The following EEF1AKMT1 variants were observed in gnomAD, a reference collection of about 807,000 sequenced individuals.
The protein encoded by EEF1AKMT1 is EEF1A lysine methyltransferase 1.
A neutral mutation model predicts 21.0 loss-of-function variants in EEF1AKMT1; 18 were observed. That is an observed-to-expected ratio of 0.86 (90% CI 0.59 to 1.27). EEF1AKMT1 has a LOEUF of 1.27. EEF1AKMT1 is among the 50% of genes most tolerant of loss of function. The pLI, the probability that EEF1AKMT1 is intolerant of heterozygous loss-of-function variation, is 0.00. For synonymous variants in EEF1AKMT1, 109 were observed against 94.8 expected, an observed-to-expected ratio of 1.15 and a Z score of -0.87; for missense variants, 246 against 258.6, an observed-to-expected ratio of 0.95 and a Z score of 0.33.
intron 2 of EEF1AKMT1, among the ~76,000 whole-genome samples, chr13:20,745,360 A>G (rs993423270): frequency 6.6e-6 from 1 of 152,070 alleles, no homozygotes; most frequent in African/African-American, 2.4e-5. Flanking sequence ...TATTTCCTTG[A>G]GCAGTAGTTT....
At chr13:20,743,970 C>T (rs1280516159) in intron 2 of EEF1AKMT1, among the ~76,000 whole-genome samples, 2 of 152,048 alleles carry the variant, frequency 1.3e-5, no homozygotes, top group Admixed American at 1.3e-4. Context: ...CCTGTGTTAG[C>T]TTGCTGAGAA....
chr13:20,742,349 T>C (rs1022735560), intron 2 of EEF1AKMT1, among the ~76,000 whole-genome samples: 5 of 150,224 alleles, frequency 3.3e-5, no homozygotes, highest in Non-Finnish European at 7.5e-5. Context: ...CTTTATACAG[T>C]CTTTGAGAAA....
chr13:20,772,439 T>C (rs1432283340), intron 1 of EEF1AKMT1, among the ~76,000 whole-genome samples: 2 of 152,172 alleles, frequency 1.3e-5, no homozygotes, highest in Non-Finnish European at 2.9e-5. Context: ...AGGGTGCTAC[T>C]GGCATCAGGT....
intron 2 of EEF1AKMT1, among the ~76,000 whole-genome samples, chr13:20,748,231 T>C (rs2058918500): frequency 6.6e-6 from 1 of 152,074 alleles, no homozygotes; most frequent in Admixed American, 6.5e-5. Flanking sequence ...GGTCAGGAGA[T>C]TGAGACCATC....
chr13:20,741,582 G>A (rs759176774), intron 2 of EEF1AKMT1, among the ~76,000 whole-genome samples: 20 of 149,684 alleles, frequency 1.3e-4, no homozygotes, highest in Non-Finnish European at 2.5e-4. Context: ...TCAGCCTCCC[G>A]AGTAGCTGGG....
At chr13:20,736,165 C>T (rs926528426) in intron 3 of EEF1AKMT1, among the ~76,000 whole-genome samples, 16 of 152,050 alleles carry the variant, frequency 1.1e-4, no homozygotes, top group African/African-American at 1.9e-4. Context: ...CATTGAATAC[C>T]GGGGATTAAG....
At chr13:20,738,580 A>C (rs1228463511) in intron 2 of EEF1AKMT1, among the ~76,000 whole-genome samples, 1 of 152,224 alleles carries the variant, frequency 6.6e-6, no homozygotes, top group Non-Finnish European at 1.5e-5. Flanking sequence ...GTGTGGAAAC[A>C]ACTCAAGTGC....
chr13:20,747,934 C>G (rs577791875), intron 2 of EEF1AKMT1: 1 of 202,834 alleles, frequency 4.9e-6, no homozygotes, highest in African/African-American at 2.4e-5. Flanking sequence ...AACCTCAATA[C>G]CCAAGGTAGC....
chr13:20,773,313 A>T (rs2059071339), intron 1 of EEF1AKMT1, among the ~76,000 whole-genome samples: 1 of 151,998 alleles, frequency 6.6e-6, no homozygotes, highest in African/African-American at 2.4e-5. Flanking sequence ...CCCGGTAGGG[A>T]CCCGCTATCG....
chr13:20,740,915 T>C (rs775330062), intron 2 of EEF1AKMT1, among the ~76,000 whole-genome samples: 21 of 152,192 alleles, frequency 1.4e-4, no homozygotes, highest in Non-Finnish European at 2.5e-4. Context: ...ACTCAGAGTA[T>C]GGAGGACTTT....
At chr13:20,750,158 C>A (rs961437305) in intron 2 of EEF1AKMT1, among the ~76,000 whole-genome samples, 2 of 152,140 alleles carry the variant, frequency 1.3e-5, no homozygotes, top group Admixed American at 1.3e-4. Context: ...AGTCAGGGTA[C>A]TTAGGGTATC....
chr13:20,739,040 T>C (rs2058849151), intron 2 of EEF1AKMT1, among the ~76,000 whole-genome samples: 1 of 152,128 alleles, frequency 6.6e-6, no homozygotes, highest in African/African-American at 2.4e-5. Flanking sequence ...TTCAGACGTA[T>C]TCAAAGTTTC....
At chr13:20,739,341 C>G (rs187512946) in intron 2 of EEF1AKMT1, among the ~76,000 whole-genome samples, 2 of 152,272 alleles carry the variant, frequency 1.3e-5, no homozygotes, top group African/African-American at 4.8e-5. Flanking sequence ...GAAGGCAACC[C>G]AAGAGGGTTG....
chr13:20,755,205 C>A (rs780432024), intron 2 of EEF1AKMT1, among the ~76,000 whole-genome samples: 14 of 152,282 alleles, frequency 9.2e-5, no homozygotes, highest in Middle Eastern at 3.4e-3. Context: ...ACACTTCAGC[C>A]CTGGTGGCAG....
intron 2 of EEF1AKMT1, among the ~76,000 whole-genome samples, chr13:20,750,376 T>C (rs1235769171): frequency 6.6e-6 from 1 of 152,152 alleles, no homozygotes; most frequent in African/African-American, 2.4e-5. Flanking sequence ...GCCTCTGGTA[T>C]CTATCATTCT....
chr13:20,763,300 C>T (rs866474296), intron 1 of EEF1AKMT1, among the ~76,000 whole-genome samples: 2 of 152,074 alleles, frequency 1.3e-5, no homozygotes, highest in South Asian at 2.1e-4. Flanking sequence ...TCCCACCCTG[C>T]ACCCCATTTA....
At chr13:20,733,288 G>T (rs1381876740) in intron 3 of EEF1AKMT1, among the ~76,000 whole-genome samples, 1 of 152,064 alleles carries the variant, frequency 6.6e-6, no homozygotes, top group Admixed American at 6.5e-5. Flanking sequence ...CAGAGACGGG[G>T]TTTCACCATC....
chr13:20,744,698 T>C (rs1395915800), intron 2 of EEF1AKMT1, among the ~76,000 whole-genome samples: 1 of 152,256 alleles, frequency 6.6e-6, no homozygotes, highest in African/African-American at 2.4e-5. Context: ...TTAGATCCCA[T>C]TTGCCAATTT....
chr13:20,738,903 G>T lies in EEF1AKMT1; in HGVS notation c.145-1098C>A, dbSNP rs561184542. 7.9e-4 allele frequency among the ~76,000 whole-genome samples: 118 copies of T among 149,442 alleles called. 1 individual carries two copies. Among genetic ancestry groups the T allele is most frequent in the African/African-American group, 3.0e-3 (117 of 38,850 alleles). On this transcript the variant is annotated intron_variant, in intron 2 of 4. Coordinates refer to ENST00000382758, the MANE Select transcript of EEF1AKMT1 (RefSeq NM_001318939.2). The stretch of plus-strand genomic sequence containing the variant: ...CGAAAATGTTCTAAAATTGACTGTG[G>T]TGATAGTTGTGTGTCCGGAATTGGT...
Sources: gnomAD v4.1 joint callset for allele counts (sites outside exome capture counted in the v4.1 genomes callset) on GRCh38, gnomAD v4.1.1 for gene constraint, MANE v1.5 for transcripts, NCBI Gene and HGNC (gene_info 2026-07-23, HGNC 2026-07-21) for gene names.